Variants in MYH2 observed in about 807,000 individuals in gnomAD.
The protein encoded by MYH2 is myosin heavy chain 2.
MYH2 carries 139 observed loss-of-function variants against 228.1 expected under a neutral mutation model. The ratio of observed to expected loss-of-function variants is 0.61; its 90% CI spans 0.53 to 0.70. MYH2 has a LOEUF of 0.70. MYH2 is among the 30% of genes least tolerant of loss of function. MYH2 has a pLI of 0.00. For synonymous variants in MYH2, 796 were observed against 871.1 expected, an observed-to-expected ratio of 0.91 and a Z score of 1.52; for missense variants, 1,809 against 2,357.5, an observed-to-expected ratio of 0.77 and a Z score of 4.82.
At position 10,524,799 on chromosome 17, in the gene MYH2, AG is replaced by A; in HGVS notation, c.4928del (p.Ala1643ValfsTer4). On this transcript the variant is annotated frameshift_variant, in exon 34 of 40. Coordinates refer to ENST00000245503, the MANE Select transcript of MYH2 (RefSeq NM_017534.6). LOFTEE classifies it high-confidence loss of function. The surrounding 1 kb of genome is among the most constrained non-coding windows in gnomAD (Gnocchi z 4.7). ...IQLNHANRMA[A>X]EALRNYRNTQ... is the part of the protein sequence containing the mutation. ...TGTTCCTGTAGTTCCTCAGGGCCTC[AG>A]CAGCCATGCGGTTGGCATGGTTCAG... 1 of 1,614,184 alleles carries A rather than the reference AG, an allele frequency of 6.2e-7. No individual in the cohort carries two copies. Among genetic ancestry groups the A allele is most frequent in the Non-Finnish European group, 8.5e-7 (1 of 1,180,038 alleles).
rs758092574 is a variant in MYH2, at chr17:10,527,926, A to G, written c.3745-52T>C. 21 of 1,593,378 alleles carry G rather than the reference A, an allele frequency of 1.3e-5. No individual in the cohort carries two copies. The South Asian group carries it at 2.1e-4, about 16-fold the overall frequency. ...AACAGAGACCTTTTAAGCGAATAAT[A>G]ATCACCTTTGCAGTTACTGTAACTT... On this transcript the variant is annotated intron_variant, in intron 27 of 39. Coordinates refer to ENST00000245503, the MANE Select transcript of MYH2 (RefSeq NM_017534.6).
rs11078850 is a variant in MYH2, at chr17:10,545,452, A to G, written c.399T>C (p.Pro133=). 27 of 1,613,854 alleles carry G rather than the reference A, an allele frequency of 1.7e-5. No homozygotes were observed. Among genetic ancestry groups the G allele is most frequent in the Non-Finnish European group, 2.2e-5 (26 of 1,179,982 alleles). ...CTGTCACCACCTCGGGCTTATACAC[A>G]GGCAGCCACTTGTAGGGGTTGACAG... The part of the protein sequence containing the change: ...CVTVNPYKWL[P]VYKPEVVTAY... The change falls in exon 5 of 40, where the codon CCT becomes CCC. Residue 133 remains proline (P), a synonymous_variant. Transcript: ENST00000245503.
intron 5 of MYH2, among the ~76,000 whole-genome samples, chr17:10,544,984 A>G (rs929737238): frequency 9.3e-5 from 14 of 150,984 alleles, no homozygotes; most frequent in African/African-American, 3.2e-4. Context: ...TAACGGAGAC[A>G]CAGTTTGTAT....
At position 10,521,257 on chromosome 17, in the gene MYH2, C is replaced by A. The variant is rs755545503; in HGVS notation, c.*23G>T. 4.3e-6 allele frequency: 7 copies of A among 1,612,576 alleles called. No homozygotes were observed. In the Admixed American group the frequency reaches 6.7e-5, roughly 15 times the overall value. On this transcript the variant is annotated 3_prime_UTR_variant, in exon 40 of 40. Coordinates refer to ENST00000245503, the MANE Select transcript of MYH2 (RefSeq NM_017534.6). ...GTCACATTTTGTGCCTGTCTTCAGTCATTCCATGGCATCAGGACATGATCA... is the reference window on the plus strand; with the variant it reads ...GTCACATTTTGTGCCTGTCTTCAGTAATTCCATGGCATCAGGACATGATCA...
At chr17:10,546,014 T>A (rs1485369468) in intron 4 of MYH2, among the ~76,000 whole-genome samples, 1 of 151,916 alleles carries the variant, frequency 6.6e-6, no homozygotes, top group Non-Finnish European at 1.5e-5. Context: ...TATGAAACTT[T>A]TATTGTTTTA....
chr17:10,543,686 C>T, intron 8 of MYH2, 25 bp downstream of exon 8: 1 of 1,613,528 alleles, frequency 6.2e-7, no homozygotes, highest in Non-Finnish European at 8.5e-7. Context: ...TGAACAGCAT[C>T]TATTAGCGTG....
At chr17:10,538,228 G>A (rs1284535422) in intron 14 of MYH2, among the ~76,000 whole-genome samples, 1 of 151,920 alleles carries the variant, frequency 6.6e-6, no homozygotes, top group Non-Finnish European at 1.5e-5. Context: ...CTGGCTGGGA[G>A]GAGTCTATCT....
chr17:10,525,859 C>G lies in MYH2; in HGVS notation c.4205G>C (p.Arg1402Pro). Residue 1402 changes from arginine to proline, a missense_variant, in exon 31 of 40, where the codon CGG becomes CCG. By Grantham distance (103) the Arg-to-Pro change is moderately radical (BLOSUM62 -2). Transcript: ENST00000245503. This position sits in a 1 kb window ranked among gnomAD's most constrained non-coding sequence, Gnocchi z 4.2. ...LEEAKKKLAQ[R>P]LQAAEEHVEA... is the part of the protein sequence containing the mutation. Reference sequence around the variant, plus strand: ...TACATGTTCCTCAGCTGCCTGCAGCCGCTGGGCCAGCTTCTTCCTTGAATA... The same window carrying G: ...TACATGTTCCTCAGCTGCCTGCAGCGGCTGGGCCAGCTTCTTCCTTGAATA... 6.2e-7 allele frequency: 1 copy of G among 1,614,158 alleles called. No homozygotes were observed. The highest frequency in any genetic ancestry group is 8.5e-7 in the Non-Finnish European group (1 of 1,180,008).
intron 12 of MYH2, 23 bp downstream of exon 12, chr17:10,539,905 C>A: frequency 6.2e-7 from 1 of 1,613,868 alleles, no homozygotes; most frequent in Non-Finnish European, 8.5e-7. Flanking sequence ...AATGCAAAAT[C>A]ATGGGAGTGA....
At chr17:10,543,188 C>A (rs944045928) in intron 8 of MYH2, 27 bp from the exon 9 acceptor site, 1 of 1,513,288 alleles carries the variant, frequency 6.6e-7, no homozygotes, top group Non-Finnish European at 9.1e-7. Flanking sequence ...ATATTACTAC[C>A]TTTTTTTTAT....
intron 22 of MYH2, among the ~76,000 whole-genome samples, 200 bp downstream of exon 22, chr17:10,531,433 C>T (rs1214971796): frequency 6.6e-6 from 1 of 152,152 alleles, no homozygotes; most frequent in South Asian, 2.1e-4. Context: ...GATATTTCTA[C>T]CTCACTGCCC....
chr17:10,528,444 T>C (rs913870244), intron 27 of MYH2, among the ~76,000 whole-genome samples: 1 of 152,208 alleles, frequency 6.6e-6, no homozygotes, highest in African/African-American at 2.4e-5. Flanking sequence ...AGAACACAGA[T>C]GGCTTATGTT....
intron 28 of MYH2, 41 bp from the exon 29 acceptor site, chr17:10,527,097 A>AT: frequency 6.4e-7 from 1 of 1,569,866 alleles, no homozygotes; most frequent in Non-Finnish European, 8.8e-7. Flanking sequence ...TAGGTGAAAA[A>AT]CAAGATTCTG....
rs1232657824 is a variant in MYH2 at position 10,528,915 on chromosome 17, C to T, written c.3519G>A (p.Arg1173=). ...TSAQIEMNKK[R]EAEFQKMRRD... ...TGCGCATTTTCTGGAACTCAGCCTC[C>T]CGCTTCTTGTTCATCTCAATCTGGG... is the stretch of plus-strand genomic sequence containing the variant. Residue 1173 remains arginine (R), a synonymous_variant, in exon 27 of 40, where the codon CGG becomes CGA. Coordinates refer to ENST00000245503, the MANE Select transcript of MYH2 (RefSeq NM_017534.6). 10 of 1,614,100 alleles carry T rather than the reference C, an allele frequency of 6.2e-6. No homozygotes were observed. The highest frequency in any genetic ancestry group is 1.3e-5 in the African/African-American group (1 of 74,946).
chr17:10,521,463 C>T (rs1476594444), intron 39 of MYH2, 31 bp from the exon 40 acceptor site: 1 of 1,609,836 alleles, frequency 6.2e-7, no homozygotes, highest in African/African-American at 1.3e-5. Flanking sequence ...GTAAGGAACT[C>T]ATACTTGCAT....
Position 10,525,274 on chromosome 17 carries a change from G to C in MYH2, c.4612C>G (p.Gln1538Glu), listed in dbSNP as rs2073336416. ...AGTTCACACTTTTCTTGTTCCACTT[G>C]TTTCTTTATTTTCTCCAGTTCATGG... ...RIHELEKIKK[Q>E]VEQEKCELQA... Residue 1538 changes from glutamine (Q) to glutamate (E), a missense_variant, in exon 33 of 40, where the codon CAA (glutamine) becomes GAA (glutamate). Around this residue, in one of 9 missense-constraint regions of MYH2, gnomAD observed 636 missense variants for 729.9 expected, o/e 0.87. Coordinates refer to ENST00000245503, the MANE Select transcript of MYH2 (RefSeq NM_017534.6). This position sits in a 1 kb window ranked among gnomAD's most constrained non-coding sequence, Gnocchi z 4.2. 1 of 1,614,008 alleles carries C rather than the reference G, an allele frequency of 6.2e-7. No individual in the cohort carries two copies. Among genetic ancestry groups the C allele is most frequent in the South Asian group, 1.1e-5 (1 of 91,074 alleles).
In MYH2 at chr17:10,524,560, A is replaced by C. The variant is rs1299403001; in HGVS notation, c.5081T>G (p.Leu1694Arg). The C allele has an allele frequency of 6.2e-7, 1 of 1,614,156 alleles. No individual in the cohort carries two copies. Among genetic ancestry groups the C allele is most frequent in the Non-Finnish European group, 8.5e-7 (1 of 1,180,030 alleles). Residue 1694 changes from leucine (L) to arginine (R), a missense_variant, in exon 35 of 40, where the codon CTG (leucine) becomes CGG (arginine). Physicochemically the swap from Leu to Arg is moderately radical, Grantham distance 102. This residue lies in a region of MYH2 where 278 missense variants were observed against 308.5 expected (regional missense o/e 0.90). Transcript: ENST00000245503. The surrounding 1 kb of genome is among the most constrained non-coding windows in gnomAD (Gnocchi z 4.7). The part of the protein sequence containing the change: ...ANLLQAEIEE[L>R]RATLEQTERS... ...CTCTGTCTGTTCCAGAGTGGCCCGC[A>C]GCTCCTCGATCTCAGCCTGCAGCAG... is the stretch of plus-strand genomic sequence containing the variant.
At position 10,537,944 on chromosome 17, in the gene MYH2, T is replaced by A; in HGVS notation, c.1417-109A>T. Reference sequence around the variant, plus strand: ...TGTCCAAGAGCCTTTATATTACAGATATTAAAATCACTGGGTTAAAGAGAC... The same window carrying A: ...TGTCCAAGAGCCTTTATATTACAGAAATTAAAATCACTGGGTTAAAGAGAC... On this transcript the variant is annotated intron_variant, in intron 14 of 39. Transcript: ENST00000245503. This position sits in a 1 kb window ranked among gnomAD's most constrained non-coding sequence, Gnocchi z 4.0. 1 of 1,563,894 alleles carries A rather than the reference T, an allele frequency of 6.4e-7. No individual in the cohort carries two copies. The highest frequency in any genetic ancestry group is 8.7e-7 in the Non-Finnish European group (1 of 1,148,500).
intron 8 of MYH2, 107 bp from the exon 9 acceptor site, chr17:10,543,268 G>A: frequency 1.2e-6 from 1 of 855,398 alleles, no homozygotes; most frequent in Non-Finnish European, 1.8e-6. Context: ...AATTCAGAGA[G>A]TATTTGCATC....
Sources: allele counts gnomAD v4.1 joint callset (sites outside exome capture counted in the v4.1 genomes callset), GRCh38; gene constraint gnomAD v4.1.1; regional missense constraint gnomAD v4.1.1; non-coding constraint Gnocchi (gnomAD v3.1); transcripts MANE v1.5; gene names NCBI Gene and HGNC (gene_info 2026-07-23, HGNC 2026-07-21).